Variants in SLC12A7 observed in about 807,000 individuals in gnomAD.
SLC12A7 encodes K-Cl cotransporter 4.
SLC12A7 carries 100 observed loss-of-function variants against 120.6 expected under a neutral mutation model. That is an observed-to-expected ratio of 0.83 (90% CI 0.71 to 0.98). The LOEUF (loss-of-function observed/expected upper bound fraction) is 0.98. SLC12A7 is among the 50% of genes least tolerant of loss of function. SLC12A7 has a pLI of 0.00. For synonymous variants in SLC12A7, 760 were observed against 678.0 expected, an observed-to-expected ratio of 1.12 and a Z score of -1.88; for missense variants, 1,373 against 1,548.1, an observed-to-expected ratio of 0.89 and a Z score of 1.90.
the SLC12A7 span, among the ~76,000 whole-genome samples, chr5:1,143,298 C>T: frequency 7.9e-5 from 12 of 152,232 alleles, no homozygotes; most frequent in African/African-American, 1.7e-4. Flanking sequence ...GCGCCATGGG[C>T]GGGGGCTTCA....
At chr5:1,151,273 C>T in the SLC12A7 span, among the ~76,000 whole-genome samples, 851 of 152,338 alleles carry the variant, frequency 5.6e-3, 8 homozygotes, top group African/African-American at 0.018. The surrounding 1 kb of genome is among the most constrained non-coding windows in gnomAD (Gnocchi z 6.2). Flanking sequence ...AAACCCAACA[C>T]GCTCCACAGA....
chr5:1,104,928 C>T (rs1293938714), intron 1 of SLC12A7, among the ~76,000 whole-genome samples: 2 of 151,452 alleles, frequency 1.3e-5, no homozygotes, highest in Non-Finnish European at 2.9e-5. Flanking sequence ...CGCCCCTCCC[C>T]GCAGGGGTGA....
chr5:1,120,095 G>T, the SLC12A7 span, among the ~76,000 whole-genome samples: 1 of 152,244 alleles, frequency 6.6e-6, no homozygotes, highest in Non-Finnish European at 1.5e-5. Flanking sequence ...GGGGCTGAGG[G>T]GACCCTCCAC....
At chr5:1,101,370 C>A (rs1741993261) in intron 1 of SLC12A7, among the ~76,000 whole-genome samples, 1 of 152,182 alleles carries the variant, frequency 6.6e-6, no homozygotes, top group Non-Finnish European at 1.5e-5. Flanking sequence ...CTGCCCCAAG[C>A]AGACGTGCCC....
At position 1,073,613 on chromosome 5, in the gene SLC12A7, C is replaced by A. The variant is rs1394082066; in HGVS notation, c.2241+20G>T. 1.9e-6 allele frequency: 3 copies of A among 1,592,282 alleles called. No homozygotes were observed. Among genetic ancestry groups the A allele is most frequent in the Non-Finnish European group, 2.6e-6 (3 of 1,171,888 alleles). ...CTGGGGTGGGAAAGAGGCCTGGCCC[C>A]CAGACCCCGCCCGGCCCACCTCCTC... On this transcript the variant is annotated intron_variant, in intron 17 of 23. Coordinates refer to ENST00000264930, the MANE Select transcript of SLC12A7 (RefSeq NM_006598.3).
intron 17 of SLC12A7, among the ~76,000 whole-genome samples, chr5:1,069,000 C>T (rs1737350047): frequency 1.3e-5 from 2 of 152,352 alleles, no homozygotes; most frequent in Admixed American, 6.5e-5. Flanking sequence ...GGATAAGGAA[C>T]ACGGAAAGGG....
At position 1,098,263 on chromosome 5, in the gene SLC12A7, ACGCC is replaced by A. The variant is rs1741548782; in HGVS notation, c.125-4019_125-4016del. Among the ~76,000 whole-genome samples, 13 of 19,476 alleles carry A rather than the reference ACGCC, an allele frequency of 6.7e-4. 1 individual carries two copies. The highest frequency in any genetic ancestry group is 1.8e-3 in the Admixed American group (2 of 1,106). 12.8% of individuals were successfully genotyped at this position (19,476 alleles called of 152,430 possible). ...ACCCAGCCCCCCTCTAACCCTCTGCACGCCCAGGCCCCCACAACCCTCTGCAAGC... is the reference window on the plus strand; with the variant it reads ...ACCCAGCCCCCCTCTAACCCTCTGCACAGGCCCCCACAACCCTCTGCAAGC... On this transcript the variant is annotated intron_variant, in intron 1 of 23. Coordinates refer to ENST00000264930, the MANE Select transcript of SLC12A7 (RefSeq NM_006598.3).
intron 1 of SLC12A7, among the ~76,000 whole-genome samples, chr5:1,111,497 C>T (rs886870062): frequency 2.6e-5 from 4 of 152,156 alleles, no homozygotes; most frequent in Admixed American, 1.3e-4. Context: ...GACGCCCCGG[C>T]TCCCGAACCG....
At chr5:1,107,263 G>C (rs1355551009) in intron 1 of SLC12A7, among the ~76,000 whole-genome samples, 1 of 152,220 alleles carries the variant, frequency 6.6e-6, no homozygotes, top group Admixed American at 6.5e-5. Context: ...CCTTAACCTC[G>C]GCAAATAAAC....
chr5:1,096,830 G>A (rs1353331433), intron 1 of SLC12A7, among the ~76,000 whole-genome samples: 8 of 64,536 alleles, frequency 1.2e-4, no homozygotes, highest in Admixed American at 2.1e-4. Context: ...GGGAGGGAAG[G>A]AAGGAGGGAG....
chr5:1,050,684 G>T lies in SLC12A7; in HGVS notation c.*1676C>A, dbSNP rs754500489. On this transcript the variant is annotated 3_prime_UTR_variant, in exon 24 of 24. Coordinates refer to ENST00000264930, the MANE Select transcript of SLC12A7 (RefSeq NM_006598.3). ...GTGCCTCTAGCCTGCTCTCCTCCAG[G>T]TGCAGGGGACACAGGACCTGCCGGC... is the stretch of plus-strand genomic sequence containing the variant. 2.5e-6 allele frequency: 1 copy of T among 394,346 alleles called. No homozygotes were observed. Among genetic ancestry groups the T allele is most frequent in the Non-Finnish European group, 4.5e-6 (1 of 223,938 alleles). 24.4% of individuals were successfully genotyped at this position (394,346 alleles called of 1,614,324 possible). A position where few individuals can be genotyped will look rare whatever the true frequency, so the allele number is the denominator to read the frequency against.
intron 5 of SLC12A7, among the ~76,000 whole-genome samples, chr5:1,087,417 G>A (rs754983507): frequency 6.6e-6 from 1 of 152,274 alleles, no homozygotes; most frequent in African/African-American, 2.4e-5. Flanking sequence ...ATGTTCAGGA[G>A]TCGTCTCGTG....
At chr5:1,057,253 C>T (rs1735718540) in intron 22 of SLC12A7, 4 of 526,842 alleles carry the variant, frequency 7.6e-6, no homozygotes, top group Non-Finnish European at 1.3e-5. Flanking sequence ...CTAGAAGGAT[C>T]CCTCAGCGCC....
Position 1,064,223 on chromosome 5 carries a change from G to C in SLC12A7, c.2467C>G (p.Gln823Glu), listed in dbSNP as rs1165833968. 1 of 1,611,878 alleles carries C rather than the reference G, an allele frequency of 6.2e-7. No homozygotes were observed. Among genetic ancestry groups the C allele is most frequent in the Admixed American group, 1.7e-5 (1 of 59,916 alleles). ...ACGTTCTTGGCCACCAGCAGAGCCT[G>C]GTGCGCGGCGGTGGTGTCGCGGACG... ...DTVRDTTAAH[Q>E]ALLVAKNVDS... Residue 823 changes from glutamine to glutamate, a missense_variant, in exon 19 of 24, where the codon CAG (glutamine) becomes GAG (glutamate). Gln to Glu is a conservative substitution (Grantham distance 29, BLOSUM62 2). Coordinates refer to ENST00000264930, the MANE Select transcript of SLC12A7 (RefSeq NM_006598.3).
At chr5:1,077,058 G>GCCCCCCCC (rs58129045) in intron 12 of SLC12A7, among the ~76,000 whole-genome samples, 2 of 147,156 alleles carry the variant, frequency 1.4e-5, no homozygotes, top group Non-Finnish European at 1.5e-5. Flanking sequence ...GCCCCAGCCT[G>GCCCCCCCC]CCCCCCCGCC....
the SLC12A7 span, among the ~76,000 whole-genome samples, chr5:1,141,675 CA>C: frequency 6.6e-6 from 1 of 152,142 alleles, no homozygotes. Flanking sequence ...ATGAAGAATC[CA>C]GGTCCTCAGC....
intron 1 of SLC12A7, among the ~76,000 whole-genome samples, chr5:1,107,302 C>A (rs1033950919): frequency 6.6e-6 from 1 of 152,232 alleles, no homozygotes; most frequent in African/African-American, 2.4e-5. Flanking sequence ...CCACCTGGGT[C>A]GCTTTCTGTG....
rs754562346 is a variant in SLC12A7 at position 1,076,732 on chromosome 5, G to A, written c.1710C>T (p.Leu570=). The A allele has an allele frequency of 5.0e-6, 8 of 1,611,520 alleles. No individual in the cohort carries two copies. The highest frequency in any genetic ancestry group is 2.2e-5 in the East Asian group (1 of 44,862). Residue 570 remains leucine (L), a synonymous_variant, in exon 13 of 24, where the codon CTC becomes CTT. Transcript: ENST00000264930. ...GGGCCACGCTGTCCAGAGAGGCGAT[G>A]AGGATGCCAGTCTCGCAGATGAGGA... The part of the protein sequence containing the change: ...LTVLICETGI[L]IASLDSVAPI...
chr5:1,050,396 G>A lies in SLC12A7; in HGVS notation c.*1964C>T, dbSNP rs550739460. 6.5e-6 allele frequency: 1 copy of A among 154,114 alleles called. No homozygotes were observed. Among genetic ancestry groups the A allele is most frequent in the Middle Eastern group, 3.3e-3 (1 of 300 alleles). The allele number at this position is 154,114 out of a possible 1,614,324, so 9.5% of individuals were successfully genotyped here. On this transcript the variant is annotated 3_prime_UTR_variant, in exon 24 of 24. Transcript: ENST00000264930. ...TTCTTCAACGTACTCAGATTTCATA[G>A]GATTTTATTTTTCTACTAACACAGA...
Sources: allele counts gnomAD v4.1 joint callset (sites outside exome capture counted in the v4.1 genomes callset), GRCh38; gene constraint gnomAD v4.1.1; non-coding constraint Gnocchi (gnomAD v3.1); transcripts MANE v1.5; gene names NCBI Gene and HGNC (gene_info 2026-07-23, HGNC 2026-07-21).